CUL1: variants seen among roughly 807,000 people sequenced by gnomAD.
The protein encoded by CUL1 is cullin 1.
CUL1 carries 24 observed loss-of-function variants against 118.0 expected under a neutral mutation model. The observed-to-expected ratio is 0.20, with a 90% confidence interval of 0.15 to 0.29. CUL1 has a LOEUF of 0.29. Among genes scored for constraint, CUL1 ranks in the 10% least tolerant of loss-of-function variants. The pLI is 1.00. For synonymous variants in CUL1, 332 were observed against 340.4 expected, an observed-to-expected ratio of 0.98 and a Z score of 0.27; for missense variants, 361 against 933.8, an observed-to-expected ratio of 0.39 and a Z score of 7.99.
chr7:148,698,687 C>T (rs1279272657), upstream of CUL1: 1 of 151,974 alleles, frequency 6.6e-6, no homozygotes, highest in Non-Finnish European at 1.5e-5. Flanking sequence ...GGTTTCCCGG[C>T]TCCCCCGCCC....
At chr7:148,721,021 G>A (rs1224484221) in intron 1 of CUL1, among the ~76,000 whole-genome samples, 1 of 152,126 alleles carries the variant, frequency 6.6e-6, no homozygotes, top group Non-Finnish European at 1.5e-5. Flanking sequence ...TTTCTTTTCA[G>A]GCATTCCATT....
intron 1 of CUL1, among the ~76,000 whole-genome samples, chr7:148,710,111 T>G (rs975068030): frequency 6.6e-6 from 1 of 151,828 alleles, no homozygotes; most frequent in Admixed American, 6.6e-5. Context: ...AAAATATGGG[T>G]TTAAGTTATT....
chr7:148,722,431 A>G (rs1798424776), intron 1 of CUL1, among the ~76,000 whole-genome samples: 1 of 152,140 alleles, frequency 6.6e-6, no homozygotes. Flanking sequence ...ACACTGCTTC[A>G]ACCCCATTGC....
At chr7:148,716,229 T>C (rs1798210741) in intron 1 of CUL1, among the ~76,000 whole-genome samples, 1 of 152,230 alleles carries the variant, frequency 6.6e-6, no homozygotes, top group South Asian at 2.1e-4. Context: ...GAATTCCACA[T>C]GCTAACACAT....
chr7:148,701,804 AT>A (rs1797727960), intron 1 of CUL1, among the ~76,000 whole-genome samples: 1 of 152,234 alleles, frequency 6.6e-6, no homozygotes, highest in African/African-American at 2.4e-5. Context: ...CATTCTTCAA[AT>A]TAAAAATATT....
At chr7:148,699,761 G>C (rs551627986) in intron 1 of CUL1, among the ~76,000 whole-genome samples, 25 of 152,156 alleles carry the variant, frequency 1.6e-4, no homozygotes, top group Admixed American at 9.8e-4. Context: ...GCCCCCCGGC[G>C]CCCGCCTATC....
chr7:148,797,731 G>A (rs1801254478), intron 17 of CUL1, 81 bp from the exon 18 acceptor site: 2 of 929,994 alleles, frequency 2.2e-6, no homozygotes, highest in African/African-American at 3.4e-5. Context: ...ATGGAAAATG[G>A]ACTGTGAGGT....
intron 9 of CUL1, 95 bp downstream of exon 9, chr7:148,767,844 G>C (rs1174591421): frequency 7.9e-7 from 1 of 1,257,892 alleles, no homozygotes; most frequent in Non-Finnish European, 1.1e-6. Flanking sequence ...AATCTAAATG[G>C]TACCATTTTC....
intron 15 of CUL1, 90 bp from the exon 16 acceptor site, chr7:148,790,220 G>C: frequency 7.2e-7 from 1 of 1,391,716 alleles, no homozygotes; most frequent in Non-Finnish European, 1.0e-6. Context: ...ACTTTGTACT[G>C]TAAGCTTGGA....
At chr7:148,725,794 A>C (rs1798561908) in intron 1 of CUL1, among the ~76,000 whole-genome samples, 1 of 152,140 alleles carries the variant, frequency 6.6e-6, no homozygotes, top group African/African-American at 2.4e-5. Flanking sequence ...TTAATGTTTT[A>C]AGTACATAGG....
intron 1 of CUL1, among the ~76,000 whole-genome samples, chr7:148,710,664 CT>C (rs113545945): frequency 2.1e-3 from 310 of 144,474 alleles, no homozygotes; most frequent in Non-Finnish European, 2.1e-3. Flanking sequence ...ACATTTTCTC[CT>C]TTTTTTTTTT....
At chr7:148,770,581 C>G (rs185046893) in intron 9 of CUL1, among the ~76,000 whole-genome samples, 66 of 152,268 alleles carry the variant, frequency 4.3e-4, no homozygotes, top group African/African-American at 1.4e-3. Flanking sequence ...TGTAAACTTG[C>G]CGTTTGGCTC....
intron 1 of CUL1, among the ~76,000 whole-genome samples, chr7:148,709,415 C>T (rs1563146071): frequency 6.6e-6 from 1 of 152,138 alleles, no homozygotes; most frequent in African/African-American, 2.4e-5. Flanking sequence ...TTGTGAGATT[C>T]AAGTCCTCTA....
chr7:148,790,616 C>T (rs1024689412), intron 16 of CUL1, among the ~76,000 whole-genome samples, 175 bp downstream of exon 16: 7 of 152,214 alleles, frequency 4.6e-5, no homozygotes, highest in African/African-American at 1.7e-4. Context: ...CCAATTCTTT[C>T]TGGCTGGGGA....
intron 7 of CUL1, among the ~76,000 whole-genome samples, chr7:148,764,001 C>T (rs1194975120): frequency 1.3e-5 from 2 of 151,450 alleles, no homozygotes; most frequent in African/African-American, 4.9e-5. Context: ...AAGAGTGAAC[C>T]ATGTTAGTGT....
chr7:148,717,571 G>C (rs1292015496), intron 1 of CUL1, among the ~76,000 whole-genome samples: 1 of 151,860 alleles, frequency 6.6e-6, no homozygotes, highest in Non-Finnish European at 1.5e-5. Context: ...CGTTATCTCG[G>C]TGTCACTTGT....
At chr7:148,717,300 G>A (rs1390432853) in intron 1 of CUL1, among the ~76,000 whole-genome samples, 1 of 152,138 alleles carries the variant, frequency 6.6e-6, no homozygotes, top group Non-Finnish European at 1.5e-5. Context: ...CAGGTGATCT[G>A]CCTGCCTGAG....
At chr7:148,744,397 A>AGT (rs56093418) in intron 2 of CUL1, among the ~76,000 whole-genome samples, 9,218 of 143,890 alleles carry the variant, frequency 0.064, 290 homozygotes, top group South Asian at 0.067. Context: ...TTGTTTCTGC[A>AGT]GTGTGTGTGT....
At chr7:148,797,747 G>C (rs1402983619) in intron 17 of CUL1, 65 bp from the exon 18 acceptor site, 2 of 1,165,880 alleles carry the variant, frequency 1.7e-6, no homozygotes, top group Non-Finnish European at 2.5e-6. Context: ...GAGGTTGCCT[G>C]TGGTGGTTAT....
Sources: allele counts gnomAD v4.1 joint callset (sites outside exome capture counted in the v4.1 genomes callset), GRCh38; gene constraint gnomAD v4.1.1; transcripts MANE v1.5; gene names NCBI Gene and HGNC (gene_info 2026-07-23, HGNC 2026-07-21).